The following SUGCT variants were observed in gnomAD, a reference collection of about 807,000 sequenced individuals.
The protein encoded by SUGCT is succinyl-CoA:glutarate CoA-transferase.
SUGCT carries 41 observed loss-of-function variants against 55.0 expected under a neutral mutation model. The ratio of observed to expected loss-of-function variants is 0.74; its 90% confidence interval spans 0.58 to 0.97. The LOEUF is 0.97. SUGCT is among the 50% of genes least tolerant of loss of function. The pLI is 0.00. For missense variants in SUGCT, 568 were observed against 547.8 expected, an observed-to-expected ratio of 1.04 and a Z score of -0.37; for synonymous variants, 187 against 200.4, an observed-to-expected ratio of 0.93 and a Z score of 0.56.
chr7:40,854,394 TTTTTCTTTCTTTCTTTCTTTCTTTC>T (rs1222057303), intron 13 of SUGCT, among the ~76,000 whole-genome samples: 4 of 120,348 alleles, frequency 3.3e-5, no homozygotes, highest in African/African-American at 1.3e-4. Flanking sequence ...TATCAAAATT[TTTTTCTTTCTTTCTTTCTTTCTTTC>T]CTTTCTTTCT....
the SUGCT span, among the ~76,000 whole-genome samples, chr7:40,986,468 A>G: frequency 6.6e-6 from 1 of 152,210 alleles, no homozygotes; most frequent in African/African-American, 2.4e-5. Context: ...ACACAGTAAA[A>G]CAAACAGAGC....
chr7:40,885,730 G>T, the SUGCT span, among the ~76,000 whole-genome samples: 2 of 152,082 alleles, frequency 1.3e-5, no homozygotes, highest in Non-Finnish European at 2.9e-5. Flanking sequence ...GAGACCTGCT[G>T]GGAGGAAAGG....
intron 12 of SUGCT, among the ~76,000 whole-genome samples, chr7:40,718,449 G>A (rs1478120617): frequency 6.6e-6 from 1 of 152,186 alleles, no homozygotes; most frequent in Non-Finnish European, 1.5e-5. Context: ...GTTTCCATAG[G>A]TAACAGGGCA....
At chr7:40,235,151 T>C (rs1788941953) in intron 6 of SUGCT, among the ~76,000 whole-genome samples, 1 of 152,148 alleles carries the variant, frequency 6.6e-6, no homozygotes, top group African/African-American at 2.4e-5. Flanking sequence ...TCTTGAATTA[T>C]TTTAATTCCT....
intron 12 of SUGCT, among the ~76,000 whole-genome samples, chr7:40,678,267 T>C (rs1263304556): frequency 6.6e-6 from 1 of 152,126 alleles, no homozygotes; most frequent in Non-Finnish European, 1.5e-5. Context: ...AGATCTAAGG[T>C]GCTGCTCCTA....
chr7:40,612,327 A>G (rs992620244), intron 12 of SUGCT, among the ~76,000 whole-genome samples: 2 of 152,202 alleles, frequency 1.3e-5, no homozygotes, highest in African/African-American at 4.8e-5. Context: ...TCCATATGTT[A>G]CAGCTGGGGA....
At chr7:40,840,601 G>A (rs7777500) in intron 13 of SUGCT, among the ~76,000 whole-genome samples, 28,041 of 151,766 alleles carry the variant, frequency 0.18, 3,721 homozygotes, top group East Asian at 0.7. Flanking sequence ...TTACATCAGC[G>A]GAGACAAAAC....
intron 9 of SUGCT, among the ~76,000 whole-genome samples, chr7:40,407,504 T>C (rs933027230): frequency 6.6e-6 from 1 of 152,098 alleles, no homozygotes. Context: ...TTTATGGTCC[T>C]CTTTAAGTCT....
chr7:40,176,674 A>G (rs565461853), intron 1 of SUGCT, among the ~76,000 whole-genome samples: 2 of 151,486 alleles, frequency 1.3e-5, no homozygotes, highest in South Asian at 2.1e-4. Context: ...ATCGGTAGAG[A>G]TAAAGACTAA....
chr7:40,263,581 G>A (rs149694384), intron 7 of SUGCT, among the ~76,000 whole-genome samples: 162 of 152,294 alleles, frequency 1.1e-3, no homozygotes, highest in African/African-American at 3.7e-3. Flanking sequence ...AAGATTGCTT[G>A]CTTGTAAGCC....
chr7:40,238,778 G>T, intron 7 of SUGCT, among the ~76,000 whole-genome samples: 1 of 147,022 alleles, frequency 6.8e-6, no homozygotes, highest in African/African-American at 2.5e-5. Flanking sequence ...TTTCATCTTC[G>T]TTTCATTTTC....
the SUGCT span, among the ~76,000 whole-genome samples, chr7:40,936,498 G>T: frequency 6.6e-6 from 1 of 151,442 alleles, no homozygotes; most frequent in East Asian, 1.9e-4. Flanking sequence ...TCTTGGTCAG[G>T]TCTGGCTAAA....
chr7:40,188,374 C>T, intron 3 of SUGCT, 121 bp from the exon 4 acceptor site: 3 of 644,988 alleles, frequency 4.7e-6, no homozygotes, highest in South Asian at 3.8e-5. Context: ...GTAGAGGTTG[C>T]AGTGAGCAGA....
At chr7:40,500,894 C>G (rs1406498503) in intron 12 of SUGCT, among the ~76,000 whole-genome samples, 1 of 151,924 alleles carries the variant, frequency 6.6e-6, no homozygotes, top group Non-Finnish European at 1.5e-5. Flanking sequence ...AACACATACA[C>G]ATACACATAC....
chr7:40,573,479 TAATA>T (rs1796562185), intron 12 of SUGCT, among the ~76,000 whole-genome samples: 1 of 152,086 alleles, frequency 6.6e-6, no homozygotes, highest in African/African-American at 2.4e-5. Flanking sequence ...TTCCCCTAAG[TAATA>T]AGCTGTAACA....
intron 12 of SUGCT, among the ~76,000 whole-genome samples, chr7:40,575,479 A>G (rs972095338): frequency 1.3e-5 from 2 of 152,136 alleles, no homozygotes; most frequent in African/African-American, 4.8e-5. Context: ...CCTCCCACCA[A>G]ATTTTTGTCA....
the SUGCT span, among the ~76,000 whole-genome samples, chr7:40,936,707 C>G: frequency 2.0e-5 from 3 of 151,604 alleles, no homozygotes; most frequent in South Asian, 6.2e-4. Context: ...GTGAGATTGT[C>G]TTCTTTTTCT....
intron 13 of SUGCT, among the ~76,000 whole-genome samples, chr7:40,845,071 T>A (rs1793490543): frequency 6.6e-6 from 1 of 152,166 alleles, no homozygotes; most frequent in African/African-American, 2.4e-5. Context: ...TTTTATTTTT[T>A]ATTTTTGTCT....
At chr7:41,034,884 C>T in the SUGCT span, among the ~76,000 whole-genome samples, 1 of 152,134 alleles carries the variant, frequency 6.6e-6, no homozygotes, top group African/African-American at 2.4e-5. Flanking sequence ...GGCCCCCAGC[C>T]TCAGAAATGG....
Sources: gnomAD v4.1 joint callset for allele counts (sites outside exome capture counted in the v4.1 genomes callset) on GRCh38, gnomAD v4.1.1 for gene constraint, MANE v1.5 for transcripts, NCBI Gene and HGNC (gene_info 2026-07-23, HGNC 2026-07-21) for gene names.